Variants in CNTNAP2 observed in about 807,000 individuals in gnomAD.
CNTNAP2 encodes the protein contactin-associated protein-like 2.
In CNTNAP2, 98 loss-of-function variants were observed where a neutral mutation model predicts 155.2. The observed-to-expected ratio is 0.63, with a 90% CI of 0.54 to 0.75. The LOEUF is 0.75. Among genes scored for constraint, CNTNAP2 ranks in the 30% least tolerant of loss-of-function variants. The pLI is 0.00. For missense variants in CNTNAP2, 1,727 were observed against 1,688.1 expected (o/e 1.02, Z -0.40); for synonymous variants, 651 against 631.2 (o/e 1.03, Z -0.47).
intron 15 of CNTNAP2, among the ~76,000 whole-genome samples, chr7:148,090,909 G>T (rs903407963): frequency 2.0e-5 from 3 of 152,010 alleles, no homozygotes; most frequent in African/African-American, 7.2e-5. Context: ...GCTTCAAAAA[G>T]AAGGAAATCC....
intron 8 of CNTNAP2, among the ~76,000 whole-genome samples, chr7:147,148,753 T>C (rs1801765795): frequency 6.6e-6 from 1 of 152,068 alleles, no homozygotes; most frequent in Non-Finnish European, 1.5e-5. Context: ...TCTGGAGTTG[T>C]TTATTCCTCC....
intron 1 of CNTNAP2, among the ~76,000 whole-genome samples, chr7:146,754,000 A>G (rs190478466): frequency 3.2e-4 from 49 of 152,130 alleles, no homozygotes; most frequent in Non-Finnish European, 1.5e-5. Context: ...TCTTTTGTGG[A>G]CATGTAGATA....
chr7:146,865,018 A>C (rs1028768513), intron 3 of CNTNAP2, among the ~76,000 whole-genome samples: 8 of 149,050 alleles, frequency 5.4e-5, no homozygotes, highest in African/African-American at 2.0e-4. Context: ...AAAAAGTATA[A>C]ATTTAACAAG....
intron 3 of CNTNAP2, among the ~76,000 whole-genome samples, chr7:146,919,997 G>T (rs1486140722): frequency 6.6e-6 from 1 of 152,146 alleles, no homozygotes; most frequent in Non-Finnish European, 1.5e-5. Flanking sequence ...GGATTCTGAG[G>T]AGATGACAAA....
chr7:147,140,267 T>C (rs556413516), intron 8 of CNTNAP2, among the ~76,000 whole-genome samples: 184 of 152,104 alleles, frequency 1.2e-3, no homozygotes, highest in Middle Eastern at 3.4e-3. Flanking sequence ...CTTTCCGAGA[T>C]TGAATCTCTA....
intron 1 of CNTNAP2, among the ~76,000 whole-genome samples, chr7:146,707,492 A>AT (rs760236222): frequency 1.8e-4 from 28 of 151,860 alleles, no homozygotes; most frequent in Non-Finnish European, 3.2e-4. Context: ...TTTTGTTGGG[A>AT]TTTTTTTTGT....
rs571822135 is a variant in CNTNAP2 at position 147,072,597 on chromosome 7, T to C, written c.550+28543T>C. On this transcript the variant is annotated intron_variant, in intron 4 of 23. Coordinates refer to ENST00000361727, the MANE Select transcript of CNTNAP2 (RefSeq NM_014141.6). ...AGCAGAGTGGAAATATCTGGGAGGA[T>C]TGAAGAGCTATTAGAAGGTAAAATC... 2.0e-5 allele frequency among the ~76,000 whole-genome samples: 3 copies of C among 152,148 alleles called. No homozygotes were observed. The East Asian group carries it at 5.8e-4, about 30-fold the overall frequency.
chr7:146,823,873 TA>T (rs1286891456), intron 2 of CNTNAP2, among the ~76,000 whole-genome samples: 7 of 152,096 alleles, frequency 4.6e-5, no homozygotes, highest in Non-Finnish European at 5.9e-5. Flanking sequence ...CACAGACATA[TA>T]TTTTTTTAAA....
intron 1 of CNTNAP2, among the ~76,000 whole-genome samples, chr7:146,504,150 C>T (rs754897485): frequency 2.6e-5 from 4 of 152,250 alleles, no homozygotes; most frequent in Admixed American, 2.0e-4. Flanking sequence ...ACTTTCCTTA[C>T]GCTCCACCCT....
At chr7:147,421,142 CATT>C (rs1797284739) in intron 10 of CNTNAP2, among the ~76,000 whole-genome samples, 1 of 152,142 alleles carries the variant, frequency 6.6e-6, no homozygotes, top group Non-Finnish European at 1.5e-5. Flanking sequence ...ATTACTGTCT[CATT>C]GTTATTTTAG....
chr7:147,836,074 C>T (rs925752494), intron 13 of CNTNAP2, among the ~76,000 whole-genome samples: 3 of 152,154 alleles, frequency 2.0e-5, no homozygotes, highest in Admixed American at 6.6e-5. Context: ...TCAGTTGTTA[C>T]AGCAGCTTTA....
intron 1 of CNTNAP2, among the ~76,000 whole-genome samples, chr7:146,635,880 C>A (rs1192164688): frequency 6.6e-6 from 1 of 151,834 alleles, no homozygotes; most frequent in Non-Finnish European, 1.5e-5. Context: ...CTAAGAGCAC[C>A]GAAATGCCTG....
intron 1 of CNTNAP2, among the ~76,000 whole-genome samples, chr7:146,450,597 AG>A (rs1296563550): frequency 6.6e-6 from 1 of 152,220 alleles, no homozygotes; most frequent in African/African-American, 2.4e-5. Context: ...TCTTAAACGA[AG>A]CCACATGTTG....
chr7:146,391,432 G>GTTTTT (rs1203493957), intron 1 of CNTNAP2, among the ~76,000 whole-genome samples: 1 of 151,916 alleles, frequency 6.6e-6, no homozygotes, highest in Non-Finnish European at 1.5e-5. Context: ...TCCCCTGTGT[G>GTTTTT]TTTTTTGTGG....
At chr7:147,871,845 C>T (rs1404515424) in intron 13 of CNTNAP2, among the ~76,000 whole-genome samples, 2 of 152,200 alleles carry the variant, frequency 1.3e-5, no homozygotes, top group African/African-American at 4.8e-5. Context: ...CTCACATCTG[C>T]TTCAATGATC....
chr7:148,338,546 G>A (rs1189802171), intron 21 of CNTNAP2, among the ~76,000 whole-genome samples: 1 of 150,510 alleles, frequency 6.6e-6, no homozygotes, highest in Non-Finnish European at 1.5e-5. Flanking sequence ...CCAGTAATTG[G>A]GGCGTGGGGG....
intron 17 of CNTNAP2, among the ~76,000 whole-genome samples, chr7:148,150,169 T>C (rs1805270558): frequency 6.7e-6 from 1 of 149,352 alleles, no homozygotes; most frequent in Non-Finnish European, 1.5e-5. Context: ...TCCCAGCAAT[T>C]TGGGAGGCCG....
At chr7:147,081,895 A>C (rs1047598095) in intron 4 of CNTNAP2, 3 of 152,160 alleles carry the variant, frequency 2.0e-5, no homozygotes. Context: ...TGCTTCTAGA[A>C]GGAAATCAAA....
intron 13 of CNTNAP2, among the ~76,000 whole-genome samples, chr7:147,650,708 G>A (rs1390699397): frequency 6.6e-6 from 1 of 152,078 alleles, no homozygotes; most frequent in East Asian, 1.9e-4. Context: ...TAGGCTATTG[G>A]TAGTTAAGTT....
Sources: allele counts gnomAD v4.1 joint callset (sites outside exome capture counted in the v4.1 genomes callset), GRCh38; gene constraint gnomAD v4.1.1; transcripts MANE v1.5; gene names NCBI Gene and HGNC (gene_info 2026-07-23, HGNC 2026-07-21).